The following TSPAN8 variants were observed in gnomAD, a reference collection of about 807,000 sequenced individuals.
The protein encoded by TSPAN8 is tetraspanin 8, also known as tetraspanin-8.
A neutral mutation model predicts 32.8 loss-of-function variants in TSPAN8; 21 were observed. The ratio of observed to expected loss-of-function variants is 0.64; its 90% CI spans 0.45 to 0.92. The LOEUF is 0.92. TSPAN8 is among the 40% of genes least tolerant of loss of function. The pLI is 0.00. For missense variants in TSPAN8, 269 were observed against 281.9 expected (o/e 0.95, Z 0.33); for synonymous variants, 95 against 94.6 (o/e 1.00, Z -0.03).
At chr12:71,154,642 G>A (rs1028105265) in intron 2 of TSPAN8, among the ~76,000 whole-genome samples, 1 of 152,104 alleles carries the variant, frequency 6.6e-6, no homozygotes, top group South Asian at 2.1e-4. Flanking sequence ...GATTGCTACT[G>A]GTTTCAGTGC....
intron 2 of TSPAN8, among the ~76,000 whole-genome samples, chr12:71,144,982 C>G (rs11178655): frequency 6.6e-6 from 1 of 151,764 alleles, no homozygotes; most frequent in Non-Finnish European, 1.5e-5. Flanking sequence ...TGCATTGTGG[C>G]TTCAAAAACA....
rs763217771 is a variant in TSPAN8, at chr12:71,156,250, C to CAAAAAAAAA, written c.60+1360_60+1368dup. 1.9e-3 allele frequency among the ~76,000 whole-genome samples: 46 copies of CAAAAAAAAA among 24,342 alleles called. 2 individuals carry two copies. The highest frequency in any genetic ancestry group is 9.1e-3 in the African/African-American group (39 of 4,296). 16.0% of individuals were successfully genotyped at this position (24,342 alleles called of 152,430 possible). A position where few individuals can be genotyped will look rare whatever the true frequency, so the allele number is the denominator to read the frequency against. On this transcript the variant is annotated intron_variant, in intron 2 of 8. Transcript: ENST00000247829. ...TCTTTAGTGAATATTCAAAGTTCTC[C>CAAAAAAAAA]AAAAAAAAAAAAAAAAAACAAACAA...
chr12:71,129,373 C>T lies in TSPAN8; in HGVS notation c.618G>A (p.Leu206=). 6.3e-7 allele frequency: 1 copy of T among 1,584,334 alleles called. No homozygotes were observed. Among genetic ancestry groups the T allele is most frequent in the Non-Finnish European group, 8.6e-7 (1 of 1,166,624 alleles). The change falls in exon 8 of 9, where the codon TTG becomes TTA. Residue 206 remains leucine (L), a synonymous_variant. Coordinates refer to ENST00000247829, the MANE Select transcript of TSPAN8 (RefSeq NM_004616.3). ...SFIKDFLAKN[L]IIVIGISFGL... The stretch of plus-strand genomic sequence containing the variant: ...CAAATGATATTCCAATAACTATAAT[C>T]AAATTTTTTGCCAAGAAGTCTTTTA...
chr12:71,157,397 A>T, intron 2 of TSPAN8: 1 of 455,890 alleles, frequency 2.2e-6, no homozygotes, highest in African/African-American at 2.0e-5. Flanking sequence ...ACATTTATGA[A>T]ATGTTTATCC....
At chr12:71,139,342 C>A in intron 4 of TSPAN8, 1 of 450,158 alleles carries the variant, frequency 2.2e-6, no homozygotes, top group Non-Finnish European at 4.2e-6. Flanking sequence ...CCCTGTCTTG[C>A]CCTTTGCTTC....
At chr12:71,149,340 C>G (rs1401693988) in intron 2 of TSPAN8, among the ~76,000 whole-genome samples, 9 of 150,728 alleles carry the variant, frequency 6.0e-5, no homozygotes, top group Non-Finnish European at 1.3e-4. Context: ...TGCACTCCAG[C>G]CTGGGCAACA....
chr12:71,129,124 T>G (rs1312630064), intron 8 of TSPAN8, among the ~76,000 whole-genome samples: 1 of 152,038 alleles, frequency 6.6e-6, no homozygotes, highest in African/African-American at 2.4e-5. Context: ...CCCTGCTCAC[T>G]TCATAAGACT....
intron 8 of TSPAN8, among the ~76,000 whole-genome samples, chr12:71,126,630 A>T (rs961021588): frequency 6.6e-6 from 1 of 152,206 alleles, no homozygotes; most frequent in African/African-American, 2.4e-5. Flanking sequence ...GACTCATGAT[A>T]AATTTGCTAA....
In TSPAN8 at chr12:71,132,718, T is replaced by C. The variant is rs1172706943; in HGVS notation, c.551A>G (p.Tyr184Cys). The change falls in exon 7 of 9, where the codon TAT becomes TGT. Residue 184 changes from tyrosine (Y) to cysteine (C), a missense_variant. Transcript: ENST00000247829. ...CLDKQRPCQS[Y>C]NGKQVYKETC... is the part of the protein sequence containing the mutation. ...CTCTTTGTAAACTTGTTTTCCATTA[T>C]AGCTTTGGCATGGTCTCTGCTTATC... 1 of 1,613,932 alleles carries C rather than the reference T, an allele frequency of 6.2e-7. No homozygotes were observed. The highest frequency in any genetic ancestry group is 1.7e-5 in the Admixed American group (1 of 60,006).
chr12:71,129,484 A>G (rs1478329690), intron 7 of TSPAN8, 70 bp from the exon 8 acceptor site: 18 of 1,401,632 alleles, frequency 1.3e-5, no homozygotes, highest in Non-Finnish European at 1.5e-5. Context: ...CAAAATTTTT[A>G]TTAATCTGGT....
chr12:71,140,113 G>A (rs1404435792), intron 3 of TSPAN8, among the ~76,000 whole-genome samples: 4 of 152,078 alleles, frequency 2.6e-5, no homozygotes, highest in Non-Finnish European at 5.9e-5. Context: ...TAAAAGCTTA[G>A]GACAGTTACT....
chr12:71,150,633 T>C (rs916080427), intron 2 of TSPAN8, among the ~76,000 whole-genome samples: 5 of 152,146 alleles, frequency 3.3e-5, no homozygotes, highest in African/African-American at 1.2e-4. Flanking sequence ...GGGGGCACGT[T>C]CCCCCAATAC....
chr12:71,132,375 A>T (rs1052356902), intron 7 of TSPAN8, among the ~76,000 whole-genome samples: 1 of 152,202 alleles, frequency 6.6e-6, no homozygotes, highest in Non-Finnish European at 1.5e-5. Context: ...GTAGGAAAAA[A>T]TAAAAGAGAA....
chr12:71,144,071 A>G, intron 3 of TSPAN8, 80 bp downstream of exon 3: 1 of 1,233,126 alleles, frequency 8.1e-7, no homozygotes, highest in Non-Finnish European at 1.1e-6. Flanking sequence ...CATGTTTATT[A>G]CTATTATTGT....
intron 2 of TSPAN8, among the ~76,000 whole-genome samples, chr12:71,150,675 G>A (rs891951008): frequency 6.6e-6 from 1 of 152,138 alleles, no homozygotes; most frequent in Non-Finnish European, 1.5e-5. Context: ...ATTGAGTGTT[G>A]ACATGGTTTA....
At chr12:71,151,149 C>G (rs368695057) in intron 2 of TSPAN8, among the ~76,000 whole-genome samples, 1 of 151,734 alleles carries the variant, frequency 6.6e-6, no homozygotes, top group African/African-American at 2.4e-5. Context: ...CTACAAGCTC[C>G]GCCTCCCGGG....
intron 2 of TSPAN8, among the ~76,000 whole-genome samples, chr12:71,151,147 T>C (rs755516647): frequency 4.8e-4 from 72 of 151,302 alleles, no homozygotes; most frequent in Non-Finnish European, 7.4e-4. Context: ...CACTACAAGC[T>C]CCGCCTCCCG....
In TSPAN8 at chr12:71,138,325, A is replaced by C. The variant is rs1460654802; in HGVS notation, c.262-95T>G. 4.4e-6 allele frequency: 5 copies of C among 1,141,946 alleles called. No individual in the cohort carries two copies. In the East Asian group the frequency reaches 9.5e-5, roughly 22 times the overall value. 70.7% of individuals were successfully genotyped at this position (1,141,946 alleles called of 1,614,324 possible). On this transcript the variant is annotated intron_variant, in intron 4 of 8. Coordinates refer to ENST00000247829, the MANE Select transcript of TSPAN8 (RefSeq NM_004616.3). Reference sequence around the variant, plus strand: ...AGCACTTCTCTCTACAGCTGGGATTATATCACAGTGAGAGTGTCAGTCACA... The same window carrying C: ...AGCACTTCTCTCTACAGCTGGGATTCTATCACAGTGAGAGTGTCAGTCACA...
chr12:71,131,218 T>G (rs1019522800), intron 7 of TSPAN8, among the ~76,000 whole-genome samples: 1 of 152,132 alleles, frequency 6.6e-6, no homozygotes, highest in African/African-American at 2.4e-5. Context: ...TAACATTAGG[T>G]AGGGAGGAGG....
Sources: allele counts gnomAD v4.1 joint callset (sites outside exome capture counted in the v4.1 genomes callset), GRCh38; gene constraint gnomAD v4.1.1; transcripts MANE v1.5; gene names NCBI Gene and HGNC (gene_info 2026-07-23, HGNC 2026-07-21).